GTF2E2: variants seen among roughly 807,000 people sequenced by gnomAD.
GTF2E2 encodes transcription initiation factor IIE subunit beta.
GTF2E2 carries 21 observed loss-of-function variants against 40.5 expected under a neutral mutation model. The ratio of observed to expected loss-of-function variants is 0.52; its 90% confidence interval spans 0.37 to 0.75. The LOEUF (loss-of-function observed/expected upper bound fraction) is 0.75, where lower values mean the gene tolerates loss of function less well. GTF2E2 is among the 30% of genes least tolerant of loss of function. GTF2E2 has a pLI of 0.00. For synonymous variants in GTF2E2, 117 were observed against 121.6 expected, an observed-to-expected ratio of 0.96 and a Z score of 0.25; for missense variants, 298 against 338.4, an observed-to-expected ratio of 0.88 and a Z score of 0.94.
At chr8:30,605,717 C>T (rs1046010938) in intron 6 of GTF2E2, among the ~76,000 whole-genome samples, 19 of 151,828 alleles carry the variant, frequency 1.3e-4, no homozygotes, top group African/African-American at 4.1e-4. Flanking sequence ...GGCTGGAGTG[C>T]GGTGGCACAA....
chr8:30,649,062 G>A (rs1802191675), intron 2 of GTF2E2, among the ~76,000 whole-genome samples: 1 of 152,128 alleles, frequency 6.6e-6, no homozygotes, highest in South Asian at 2.1e-4. Flanking sequence ...CCTGAGAGTG[G>A]CTATGTTAAT....
chr8:30,593,987 G>C (rs1038555959), intron 6 of GTF2E2, among the ~76,000 whole-genome samples: 1 of 149,316 alleles, frequency 6.7e-6, no homozygotes, highest in African/African-American at 2.5e-5. Flanking sequence ...CTGGAGTGCA[G>C]TGGAGCAATC....
At chr8:30,625,205 T>C (rs1344838795) in intron 3 of GTF2E2, among the ~76,000 whole-genome samples, 2 of 151,318 alleles carry the variant, frequency 1.3e-5, no homozygotes, top group Non-Finnish European at 2.9e-5. Context: ...TTATTGAGGG[T>C]TTTTTTTTAG....
chr8:30,585,419 T>C (rs866800301), intron 6 of GTF2E2, among the ~76,000 whole-genome samples: 2 of 152,118 alleles, frequency 1.3e-5, no homozygotes, highest in African/African-American at 4.8e-5. Context: ...CACAAAGTGA[T>C]CTCATTTATG....
rs369841626 is a variant in GTF2E2 at position 30,583,340 on chromosome 8, C to T, written c.644-2944G>A. Among the ~76,000 whole-genome samples the T allele has an allele frequency of 3.3e-4, 50 of 152,132 alleles. No individual in the cohort carries two copies. In the South Asian group the frequency reaches 0.01, roughly 32 times the overall value. ...CACAGCGAGACTCCATCTCAAAAAA[C>T]AAAACATAACAAAAAACACAAAGAG... is the stretch of plus-strand genomic sequence containing the variant. On this transcript the variant is annotated intron_variant, in intron 6 of 7. Transcript: ENST00000355904.
intron 3 of GTF2E2, among the ~76,000 whole-genome samples, chr8:30,633,370 T>C (rs1408787669): frequency 1.3e-5 from 2 of 152,200 alleles, no homozygotes; most frequent in African/African-American, 2.4e-5. Flanking sequence ...TTTTAAATAA[T>C]GACATTTAGA....
At chr8:30,649,487 T>C (rs1197566925) in intron 2 of GTF2E2, among the ~76,000 whole-genome samples, 2 of 151,978 alleles carry the variant, frequency 1.3e-5, no homozygotes, top group African/African-American at 2.4e-5. Context: ...ATCAACAAAA[T>C]TGATGAACCT....
chr8:30,600,493 T>C (rs1308225288), intron 6 of GTF2E2, among the ~76,000 whole-genome samples: 1 of 152,300 alleles, frequency 6.6e-6, no homozygotes, highest in East Asian at 1.9e-4. Context: ...ATTTCTATTT[T>C]ACAGATGAGG....
intron 2 of GTF2E2, among the ~76,000 whole-genome samples, chr8:30,646,875 G>T (rs761573666): frequency 7.3e-5 from 11 of 150,428 alleles, no homozygotes; most frequent in Admixed American, 1.3e-4. Flanking sequence ...AGCTACTCGG[G>T]AGGCTGAGGC....
At chr8:30,583,685 C>A (rs1828579705) in intron 6 of GTF2E2, among the ~76,000 whole-genome samples, 1 of 152,158 alleles carries the variant, frequency 6.6e-6, no homozygotes, top group African/African-American at 2.4e-5. Flanking sequence ...CAACCTCCAA[C>A]TTGTTTTTCA....
At chr8:30,632,934 A>T (rs1171043006) in intron 3 of GTF2E2, among the ~76,000 whole-genome samples, 2 of 152,322 alleles carry the variant, frequency 1.3e-5, no homozygotes, top group East Asian at 1.9e-4. Context: ...AAGCACTTAA[A>T]TTCTACAAAA....
At chr8:30,631,290 T>C (rs1297415987) in intron 3 of GTF2E2, among the ~76,000 whole-genome samples, 1 of 152,220 alleles carries the variant, frequency 6.6e-6, no homozygotes, top group African/African-American at 2.4e-5. Flanking sequence ...GCGCTGAGAA[T>C]ACAGGTGTGA....
chr8:30,611,658 A>G (rs1217309252), intron 5 of GTF2E2, among the ~76,000 whole-genome samples: 3 of 152,224 alleles, frequency 2.0e-5, no homozygotes, highest in African/African-American at 7.2e-5. Flanking sequence ...ACAGAGCCTC[A>G]GGGACTTGTA....
chr8:30,653,406 CAA>C lies in GTF2E2; in HGVS notation c.166+25_166+26del, dbSNP rs756317372. On this transcript the variant is annotated intron_variant, in intron 2 of 7. Transcript: ENST00000355904. ...CCTCCTGAATAATCTGAATAAAAAC[CAA>C]ACAGTCCTAAACAATTTTACTAACC... 6 of 1,577,708 alleles carry C rather than the reference CAA, an allele frequency of 3.8e-6. No individual in the cohort carries two copies. The African/African-American group carries it at 6.8e-5, about 18-fold the overall frequency.
chr8:30,597,415 A>G (rs1315302422), intron 6 of GTF2E2: 2 of 152,216 alleles, frequency 1.3e-5, no homozygotes, highest in African/African-American at 4.8e-5. Context: ...GTAAGCATCC[A>G]ATGAAATCTG....
intron 2 of GTF2E2, chr8:30,637,253 A>G (rs1432433908): frequency 4.4e-6 from 2 of 456,112 alleles, no homozygotes; most frequent in Non-Finnish European, 8.8e-6. Flanking sequence ...ACCCCACGCA[A>G]CTGTATAAAC....
chr8:30,607,442 G>A (rs1238037952), intron 5 of GTF2E2, among the ~76,000 whole-genome samples: 6 of 152,030 alleles, frequency 3.9e-5, no homozygotes, highest in Non-Finnish European at 8.8e-5. Flanking sequence ...ACCACGTCTA[G>A]CTAATGTTTT....
At chr8:30,592,703 T>C (rs1289077722) in intron 6 of GTF2E2, among the ~76,000 whole-genome samples, 1 of 152,234 alleles carries the variant, frequency 6.6e-6, no homozygotes, top group Admixed American at 6.5e-5. Context: ...TAGGGAATAA[T>C]GACAAGGAAA....
chr8:30,626,389 G>C (rs1270528501), intron 3 of GTF2E2, among the ~76,000 whole-genome samples: 1 of 152,190 alleles, frequency 6.6e-6, no homozygotes, highest in East Asian at 1.9e-4. Flanking sequence ...GGAGGCTGAA[G>C]CAGGAGAATC....
Sources: gnomAD v4.1 joint callset for allele counts (sites outside exome capture counted in the v4.1 genomes callset) on GRCh38, gnomAD v4.1.1 for gene constraint, MANE v1.5 for transcripts, NCBI Gene and HGNC (gene_info 2026-07-23, HGNC 2026-07-21) for gene names.